Variants in POLQ observed in about 807,000 individuals in gnomAD.
POLQ encodes the protein epididymis secretory sperm binding protein.
In POLQ, 233 loss-of-function variants were observed where a neutral mutation model predicts 259.2. That is an observed-to-expected ratio of 0.90 (90% confidence interval 0.81 to 1.00). The LOEUF is 1.00. POLQ is among the 50% of genes least tolerant of loss of function. POLQ has a pLI of 0.00. For synonymous variants in POLQ, 1,025 were observed against 1,048.8 expected, an observed-to-expected ratio of 0.98 and a Z score of 0.44; for missense variants, 2,871 against 3,051.6, an observed-to-expected ratio of 0.94 and a Z score of 1.39.
intron 26 of POLQ, among the ~76,000 whole-genome samples, chr3:121,441,818 C>T (rs185134617): frequency 6.6e-5 from 10 of 152,274 alleles, no homozygotes; most frequent in Admixed American, 6.5e-4. Context: ...ATACTGTTCT[C>T]CAAAGTAGTT....
chr3:121,494,300 C>G, intron 14 of POLQ: 4 of 1,596,110 alleles, frequency 2.5e-6, no homozygotes, highest in Non-Finnish European at 3.4e-6. Flanking sequence ...CAGGTTGCAG[C>G]GGCAGAGAGC....
intron 20 of POLQ, 55 bp downstream of exon 20, chr3:121,476,485 C>A (rs998129927): frequency 2.4e-6 from 3 of 1,246,702 alleles, no homozygotes; most frequent in Non-Finnish European, 3.4e-6. Flanking sequence ...CACACACACA[C>A]AATCATTTTA....
At chr3:121,517,902 G>C (rs1397702773) in intron 9 of POLQ, among the ~76,000 whole-genome samples, 1 of 152,134 alleles carries the variant, frequency 6.6e-6, no homozygotes, top group South Asian at 2.1e-4. Flanking sequence ...CATCTATCTT[G>C]TTAAACACTT....
intron 7 of POLQ, among the ~76,000 whole-genome samples, chr3:121,528,576 C>T (rs374472943): frequency 6.6e-6 from 1 of 152,144 alleles, no homozygotes; most frequent in South Asian, 2.1e-4. Flanking sequence ...CTCCTGACCT[C>T]AGGTGATCCA....
intron 14 of POLQ, 74 bp downstream of exon 14, chr3:121,496,734 T>C: frequency 8.2e-6 from 12 of 1,457,606 alleles, no homozygotes; most frequent in Non-Finnish European, 1.1e-5. Context: ...AAATGGAATT[T>C]GAAAAAAAAA....
rs759231797 is a variant in POLQ, at chr3:121,541,414, G to C, written c.409C>G (p.Arg137Gly). 11 of 1,609,456 alleles carry C rather than the reference G, an allele frequency of 6.8e-6. No homozygotes were observed. The highest frequency in any genetic ancestry group is 9.3e-6 in the Non-Finnish European group (11 of 1,176,628). ...GGAAGAATAAACAAAGCTTTCTTCC[G>C]CATTTCCAAAACCCGCTTCAAAATA... ...LLILKRVLEM[R>G]KKALFILPFV... The change falls in exon 3 of 30, where the codon CGG becomes GGG. Residue 137 changes from arginine to glycine, a missense_variant. Physicochemically the swap from Arg to Gly is moderately radical, Grantham distance 125. Transcript: ENST00000264233.
At chr3:121,449,964 C>A (rs1264876685) in intron 25 of POLQ, among the ~76,000 whole-genome samples, 1 of 152,140 alleles carries the variant, frequency 6.6e-6, no homozygotes, top group Admixed American at 6.5e-5. Context: ...AACAAAAACT[C>A]CTAAGAAAAT....
intron 25 of POLQ, among the ~76,000 whole-genome samples, chr3:121,457,653 A>G (rs1390175043): frequency 6.6e-6 from 1 of 152,242 alleles, no homozygotes; most frequent in Admixed American, 6.5e-5. Context: ...ATCACTGGCC[A>G]TCAGAGAAAT....
At chr3:121,452,763 G>C (rs2047690249) in intron 25 of POLQ, among the ~76,000 whole-genome samples, 1 of 152,192 alleles carries the variant, frequency 6.6e-6, no homozygotes, top group Admixed American at 6.5e-5. Flanking sequence ...GCCCACCACA[G>C]CTCAAGGAGG....
intron 26 of POLQ, among the ~76,000 whole-genome samples, chr3:121,445,605 G>T (rs577057333): frequency 6.6e-6 from 1 of 152,160 alleles, no homozygotes; most frequent in Non-Finnish European, 1.5e-5. Context: ...GCTCAAGCCT[G>T]TAATCCCAGC....
rs2048489271 is a variant in POLQ at position 121,541,456 on chromosome 3, G to A, written c.367C>T (p.Leu123Phe). The A allele has an allele frequency of 6.2e-7, 1 of 1,609,636 alleles. No individual in the cohort carries two copies. The highest frequency in any genetic ancestry group is 1.7e-5 in the Admixed American group (1 of 58,982). Residue 123 changes from leucine (L) to phenylalanine (F), a missense_variant, in exon 3 of 30, where the codon CTT becomes TTT. Transcript: ENST00000264233. ...YSAPTSAGKT[L>F]VAELLILKRV... ...TTCAAAATAAGTAATTCTGCCACAA[G>A]AGTCTTCCCAGCACTTGTAGGAGCT...
intron 10 of POLQ, among the ~76,000 whole-genome samples, chr3:121,511,457 G>A (rs2048254783): frequency 6.6e-6 from 1 of 151,946 alleles, no homozygotes; most frequent in Admixed American, 6.6e-5. Flanking sequence ...GGATAACACA[G>A]CGAGACTCCA....
At chr3:121,455,951 G>C (rs1404368717) in intron 25 of POLQ, among the ~76,000 whole-genome samples, 1 of 151,986 alleles carries the variant, frequency 6.6e-6, no homozygotes, top group Non-Finnish European at 1.5e-5. Flanking sequence ...TTAGTCCAAA[G>C]TCCTTGATGA....
At chr3:121,529,520 T>TA (rs2048395885) in intron 7 of POLQ, 125 bp downstream of exon 7, 10 of 867,670 alleles carry the variant, frequency 1.2e-5, no homozygotes, top group Non-Finnish European at 1.9e-5. Context: ...GTAAAAAGGA[T>TA]ACCACCTAGT....
chr3:121,438,326 T>C (rs1286801238), intron 27 of POLQ, among the ~76,000 whole-genome samples: 1 of 152,218 alleles, frequency 6.6e-6, no homozygotes, highest in Non-Finnish European at 1.5e-5. Flanking sequence ...TACAATAATA[T>C]TAATTTTCAC....
At chr3:121,525,340 C>CA (rs780235288) in intron 7 of POLQ, among the ~76,000 whole-genome samples, 2,032 of 88,946 alleles carry the variant, frequency 0.023, 22 homozygotes, top group African/African-American at 0.039. Flanking sequence ...GACTCCGTCT[C>CA]AAAAAAAAAA....
chr3:121,520,932 G>A (rs2048331865), intron 8 of POLQ, among the ~76,000 whole-genome samples: 1 of 152,126 alleles, frequency 6.6e-6, no homozygotes, highest in South Asian at 2.1e-4. Context: ...ACAGTGTATA[G>A]AATATATACT....
intron 28 of POLQ, among the ~76,000 whole-genome samples, chr3:121,435,607 T>C (rs374645866): frequency 3.5e-4 from 53 of 152,312 alleles, no homozygotes; most frequent in African/African-American, 1.2e-3. Flanking sequence ...AAATTCCACA[T>C]CCTGGGAAAC....
chr3:121,487,177 AGAG>A, intron 16 of POLQ, 122 bp downstream of exon 16: 13 of 577,314 alleles, frequency 2.3e-5, no homozygotes, highest in Non-Finnish European at 3.2e-5. Context: ...ATAAATCCAC[AGAG>A]GAGATACATA....
Sources: gnomAD v4.1 joint callset for allele counts (sites outside exome capture counted in the v4.1 genomes callset) on GRCh38, gnomAD v4.1.1 for gene constraint, MANE v1.5 for transcripts, NCBI Gene and HGNC (gene_info 2026-07-23, HGNC 2026-07-21) for gene names.